Variants in GRIN2A observed in about 807,000 individuals in gnomAD.
GRIN2A encodes glutamate receptor ionotropic, NMDA 2A.
A neutral mutation model predicts 113.4 loss-of-function variants in GRIN2A; 22 were observed. That is an observed-to-expected ratio of 0.19 (90% CI 0.14 to 0.28). The LOEUF is 0.28. Among genes scored for constraint, GRIN2A ranks in the 10% least tolerant of loss-of-function variants. GRIN2A has a pLI of 1.00. For missense variants in GRIN2A, 1,502 were observed against 1,887.0 expected (o/e 0.80, Z 3.78); for synonymous variants, 827 against 738.4 (o/e 1.12, Z -1.94).
In GRIN2A at chr16:10,033,359, G is replaced by C. The variant is rs528827332; in HGVS notation, c.415-94808C>G. Among the ~76,000 whole-genome samples, 15 of 152,272 alleles carry C rather than the reference G, an allele frequency of 9.9e-5. No individual in the cohort carries two copies. In the South Asian group the frequency reaches 3.1e-3, roughly 32 times the overall value. On this transcript the variant is annotated intron_variant, in intron 2 of 12. Transcript: ENST00000330684. ...TACCAAGGTAAACCCAGGAAACACAGGTGCCGCTATCAGAAACCCAGAGCC... is the reference window on the plus strand; with the variant it reads ...TACCAAGGTAAACCCAGGAAACACACGTGCCGCTATCAGAAACCCAGAGCC...
chr16:10,165,286 G>C (rs1310120844), intron 2 of GRIN2A, among the ~76,000 whole-genome samples: 1 of 151,886 alleles, frequency 6.6e-6, no homozygotes, highest in Non-Finnish European at 1.5e-5. Flanking sequence ...AAATTATATA[G>C]TGTGTATTTG....
At chr16:10,013,549 T>C (rs2046548945) in intron 2 of GRIN2A, among the ~76,000 whole-genome samples, 1 of 152,218 alleles carries the variant, frequency 6.6e-6, no homozygotes, top group South Asian at 2.1e-4. Context: ...CTTCGTATGT[T>C]TGAAGACTGC....
At chr16:10,144,538 A>T (rs949249625) in intron 2 of GRIN2A, among the ~76,000 whole-genome samples, 10 of 152,286 alleles carry the variant, frequency 6.6e-5, no homozygotes, top group Non-Finnish European at 1.5e-4. Flanking sequence ...GAGTCATAGG[A>T]ATTTCTTATA....
chr16:9,974,022 A>G (rs947911334), intron 2 of GRIN2A, among the ~76,000 whole-genome samples: 1 of 152,210 alleles, frequency 6.6e-6, no homozygotes. Flanking sequence ...ATAAGCATAA[A>G]AGACTCTTCT....
chr16:9,933,466 G>A (rs570024118), intron 3 of GRIN2A, among the ~76,000 whole-genome samples: 14 of 152,262 alleles, frequency 9.2e-5, no homozygotes, highest in East Asian at 1.9e-4. Context: ...AACTCACCAC[G>A]AAGATATCAG....
At chr16:10,002,812 A>G (rs2046343277) in intron 2 of GRIN2A, among the ~76,000 whole-genome samples, 2 of 152,144 alleles carry the variant, frequency 1.3e-5, no homozygotes, top group Non-Finnish European at 2.9e-5. Context: ...CAGTTGGTAA[A>G]CCATGCACAT....
chr16:9,764,112 G>T lies in GRIN2A; in HGVS notation c.3432C>A (p.Asn1144Lys), dbSNP rs746900457. The change falls in exon 13 of 13, where the codon AAC becomes AAA. Residue 1144 changes from asparagine (N) to lysine (K), a missense_variant. Physicochemically the swap from Asn to Lys is moderately conservative, Grantham distance 94. Transcript: ENST00000330684. ...CCTGGTAGGGGTCCGGGAAGTCCACGTTCTCGGGCAGGGTCACATTTTCAA... is the reference window on the plus strand; with the variant it reads ...CCTGGTAGGGGTCCGGGAAGTCCACTTTCTCGGGCAGGGTCACATTTTCAA... The part of the protein sequence containing the change: ...QFVENVTLPE[N>K]VDFPDPYQDP... 1.2e-6 allele frequency: 2 copies of T among 1,613,760 alleles called. No homozygotes were observed. Among genetic ancestry groups the T allele is most frequent in the Admixed American group, 1.7e-5 (1 of 60,016 alleles).
chr16:9,754,784 TG>T lies in GRIN2A; in HGVS notation c.*8364del, dbSNP rs1164584336. ...TTCAAAAGGCTATGATTGTTTTTCA[TG>T]GAAAAAAAAAGACAATGTTTTCGTA... On this transcript the variant is annotated 3_prime_UTR_variant, in exon 13 of 13. Transcript: ENST00000330684. 9.5e-5 allele frequency: 21 copies of T among 221,240 alleles called. No individual in the cohort carries two copies. The highest frequency in any genetic ancestry group is 1.4e-3 in the Middle Eastern group (1 of 738). 13.7% of individuals were successfully genotyped at this position (221,240 alleles called of 1,614,324 possible).
intron 4 of GRIN2A, among the ~76,000 whole-genome samples, chr16:9,877,533 T>A (rs1426169150): frequency 2.0e-5 from 3 of 151,894 alleles, no homozygotes; most frequent in African/African-American, 4.8e-5. Context: ...TTCAAGGGAA[T>A]ATAATTAGAA....
chr16:10,177,908 A>G (rs2050182154), intron 2 of GRIN2A, among the ~76,000 whole-genome samples: 1 of 152,138 alleles, frequency 6.6e-6, no homozygotes, highest in Non-Finnish European at 1.5e-5. Context: ...GAGTCACATG[A>G]CAGCCTGAGC....
chr16:10,088,535 T>C (rs1297052826), intron 2 of GRIN2A, among the ~76,000 whole-genome samples: 1 of 152,230 alleles, frequency 6.6e-6, no homozygotes, highest in Non-Finnish European at 1.5e-5. Context: ...AAGATCAGCG[T>C]CTGATCCTGG....
At position 9,862,890 on chromosome 16, in the gene GRIN2A, G is replaced by T. The variant is rs76080575; in HGVS notation, c.1123-12929C>A. On this transcript the variant is annotated intron_variant, in intron 4 of 12. Transcript: ENST00000330684. ...TTCCGTATCAGTCCGTCTTCCATGGGCTGCAATAATAATTATTAAACAATT... is the reference window on the plus strand; with the variant it reads ...TTCCGTATCAGTCCGTCTTCCATGGTCTGCAATAATAATTATTAAACAATT... Among the ~76,000 whole-genome samples the T allele has an allele frequency of 3.0e-4, 46 of 152,214 alleles. No individual in the cohort carries two copies. The East Asian group carries it at 8.9e-3, about 29-fold the overall frequency.
At chr16:10,153,547 T>C (rs1451295270) in intron 2 of GRIN2A, among the ~76,000 whole-genome samples, 1 of 152,216 alleles carries the variant, frequency 6.6e-6, no homozygotes, top group Non-Finnish European at 1.5e-5. Flanking sequence ...AACACTCTAC[T>C]ATAGTTAGGG....
At chr16:9,788,846 A>G (rs185016941) in intron 11 of GRIN2A, among the ~76,000 whole-genome samples, 17 of 149,114 alleles carry the variant, frequency 1.1e-4, no homozygotes, top group Admixed American at 1.0e-3. Flanking sequence ...GGGTTCAAGT[A>G]ATTCTCCTGC....
At chr16:10,070,693 C>G (rs1356551943) in intron 2 of GRIN2A, among the ~76,000 whole-genome samples, 1 of 152,154 alleles carries the variant, frequency 6.6e-6, no homozygotes, top group African/African-American at 2.4e-5. Context: ...GGCCCTTCTT[C>G]CCCCTCTACT....
rs1596491960 is a variant in GRIN2A, at chr16:10,087,878, A to G, written c.414+92120T>C. 3.5e-5 allele frequency among the ~76,000 whole-genome samples: 3 copies of G among 85,984 alleles called. No homozygotes were observed. In the East Asian group the frequency reaches 1.0e-3, roughly 29 times the overall value. The allele number at this position is 85,984 out of a possible 152,430, so 56.4% of individuals were successfully genotyped here. ...ATTTTTTTTTTTTTTTTTTTTTGAGACAGGGTTTCACCACGTTGCCCAGGC... is the reference window on the plus strand; with the variant it reads ...ATTTTTTTTTTTTTTTTTTTTTGAGGCAGGGTTTCACCACGTTGCCCAGGC... On this transcript the variant is annotated intron_variant, in intron 2 of 12. Transcript: ENST00000330684.
At chr16:9,767,585 C>CA (rs570310074) in intron 12 of GRIN2A, among the ~76,000 whole-genome samples, 353 of 143,266 alleles carry the variant, frequency 2.5e-3, no homozygotes, top group East Asian at 0.012. Context: ...CAAACAAAAA[C>CA]AAAAAAAAAC....
At chr16:9,910,328 T>C (rs980218396) in intron 3 of GRIN2A, among the ~76,000 whole-genome samples, 1 of 151,872 alleles carries the variant, frequency 6.6e-6, no homozygotes, top group Non-Finnish European at 1.5e-5. Context: ...CACTGAATTA[T>C]ACAGTTTAAA....
At chr16:9,839,692 C>T (rs1294155020) in intron 7 of GRIN2A, among the ~76,000 whole-genome samples, 2 of 152,078 alleles carry the variant, frequency 1.3e-5, no homozygotes, top group African/African-American at 2.4e-5. Context: ...CTGTGGACAG[C>T]TTTATTTTTA....
Sources: allele counts gnomAD v4.1 joint callset (sites outside exome capture counted in the v4.1 genomes callset), GRCh38; gene constraint gnomAD v4.1.1; transcripts MANE v1.5; gene names NCBI Gene and HGNC (gene_info 2026-07-23, HGNC 2026-07-21).